The following GPC3 variants were observed in gnomAD, a reference collection of about 807,000 sequenced individuals.
GPC3 encodes glypican-3.
A neutral mutation model predicts 34.4 loss-of-function variants in GPC3; 3 were observed. The observed-to-expected ratio is 0.09, with a 90% CI of 0.04 to 0.23. The LOEUF (loss-of-function observed/expected upper bound fraction) is 0.23, where lower values mean the gene tolerates loss of function less well. Ranked by LOEUF, GPC3 falls within the 10% of genes least tolerant of loss-of-function variation. GPC3 has a pLI of 1.00. For missense variants in GPC3, 351 were observed against 445.6 expected (o/e 0.79, Z 1.91); for synonymous variants, 177 against 174.0 (o/e 1.02, Z -0.13).
At chrX:133,858,362 T>C in intron 2 of GPC3, among the ~76,000 whole-genome samples, 1 of 112,122 alleles carries the variant, frequency 8.9e-6, no homozygotes, top group East Asian at 2.8e-4. Flanking sequence ...TCAAAGGTAC[T>C]TTCTGTGGCT....
rs1338818535 is a variant in GPC3, at chrX:133,783,639, CAGG to C, written c.338-29466_338-29464del. Among the ~76,000 whole-genome samples, 12 of 112,077 alleles carry C rather than the reference CAGG, an allele frequency of 1.1e-4. No homozygotes were observed. In the Admixed American group the frequency reaches 1.1e-3, roughly 11 times the overall value. On this transcript the variant is annotated intron_variant, in intron 2 of 7. Transcript: ENST00000370818. ...GGGACAAATGTCTGAAGAGGGCTTC[CAGG>C]AGGAGGTGCTGACCAGTGGGACTTC...
chrX:133,891,998 T>C (rs1189778412), intron 2 of GPC3, among the ~76,000 whole-genome samples: 2 of 110,354 alleles, frequency 1.8e-5, no homozygotes, highest in Non-Finnish European at 3.8e-5. Flanking sequence ...CCTCACCAGG[T>C]TGTTATGAGA....
intron 7 of GPC3, among the ~76,000 whole-genome samples, chrX:133,583,538 T>C (rs2069754182): frequency 9.0e-6 from 1 of 110,993 alleles, no homozygotes; most frequent in Admixed American, 9.6e-5. Context: ...CTAATTTTTG[T>C]ATTTTTAGTA....
intron 7 of GPC3, among the ~76,000 whole-genome samples, chrX:133,575,515 C>A (rs781263686): frequency 1.8e-5 from 2 of 111,649 alleles, no homozygotes; most frequent in Admixed American, 9.6e-5. Flanking sequence ...TAGGGATGAG[C>A]GGAAGGGATA....
intron 3 of GPC3, among the ~76,000 whole-genome samples, chrX:133,739,771 T>C (rs939741859): frequency 9.0e-6 from 1 of 110,805 alleles, no homozygotes; most frequent in Non-Finnish European, 1.9e-5. Context: ...ACTTATGGCA[T>C]GGGGCAAGGG....
chrX:133,572,022 G>A (rs189742432), intron 7 of GPC3, among the ~76,000 whole-genome samples: 4 of 111,360 alleles, frequency 3.6e-5, no homozygotes, highest in South Asian at 3.8e-4. Flanking sequence ...AAAATTAACC[G>A]GTTTATAGCA....
chrX:133,820,013 C>G (rs1180556762), intron 2 of GPC3, among the ~76,000 whole-genome samples: 1 of 111,680 alleles, frequency 9.0e-6, no homozygotes, highest in East Asian at 2.8e-4. Context: ...ATTGTCTCTC[C>G]GGTCACTAAG....
chrX:133,931,008 C>G (rs1471047140), intron 2 of GPC3, among the ~76,000 whole-genome samples: 1 of 111,685 alleles, frequency 9.0e-6, no homozygotes, highest in Non-Finnish European at 1.9e-5. Flanking sequence ...CTTGAGGCAA[C>G]AGATAGTATC....
intron 2 of GPC3, among the ~76,000 whole-genome samples, chrX:133,756,281 C>T (rs746062871): frequency 2.5e-4 from 28 of 112,444 alleles, no homozygotes; most frequent in Non-Finnish European, 4.5e-4. Context: ...CTTCGACCTA[C>T]AGCCAATACA....
chrX:133,853,910 C>T (rs1241406844), intron 2 of GPC3, among the ~76,000 whole-genome samples: 1 of 112,056 alleles, frequency 8.9e-6, no homozygotes, highest in African/African-American at 3.2e-5. Flanking sequence ...ATAGAAGCTA[C>T]ATAACCTTAG....
intron 2 of GPC3, among the ~76,000 whole-genome samples, chrX:133,779,252 T>C (rs2072020328): frequency 8.9e-6 from 1 of 112,870 alleles, no homozygotes; most frequent in South Asian, 3.7e-4. Context: ...AATCCAATCA[T>C]TTGCATCACT....
At chrX:133,699,868 G>C in intron 4 of GPC3, 27 bp downstream of exon 4, 1 of 1,174,241 alleles carries the variant, frequency 8.5e-7, no homozygotes, top group Non-Finnish European at 1.2e-6. Context: ...ATTGTATTGT[G>C]GAATAAAGAA....
chrX:133,767,469 G>A (rs973315962), intron 2 of GPC3, among the ~76,000 whole-genome samples: 3 of 112,024 alleles, frequency 2.7e-5, no homozygotes, highest in Admixed American at 9.5e-5. Context: ...TAATTGGAAA[G>A]CTAGCCTTTG....
chrX:133,555,743 G>T (rs373108419), intron 7 of GPC3, among the ~76,000 whole-genome samples: 1 of 109,422 alleles, frequency 9.1e-6, no homozygotes, highest in East Asian at 2.9e-4. Context: ...CAGGAGAATC[G>T]CTTGAACCTG....
chrX:133,606,578 T>C (rs1267945953), intron 6 of GPC3, among the ~76,000 whole-genome samples: 1 of 111,322 alleles, frequency 9.0e-6, no homozygotes, highest in Non-Finnish European at 1.9e-5. Flanking sequence ...CATGCCACCA[T>C]GCCTGAATAC....
chrX:133,842,961 A>C (rs2075832123), intron 2 of GPC3, among the ~76,000 whole-genome samples: 2 of 111,415 alleles, frequency 1.8e-5, no homozygotes, highest in Non-Finnish European at 1.9e-5. Context: ...TGTAGCTTCC[A>C]TCTTGGTCTC....
chrX:133,819,874 G>A (rs1008952825), intron 2 of GPC3, among the ~76,000 whole-genome samples: 1 of 111,844 alleles, frequency 8.9e-6, no homozygotes, highest in Non-Finnish European at 1.9e-5. Context: ...ACTTGCTCAA[G>A]GTTATACATG....
Position 133,827,749 on chromosome X carries a change from C to T in GPC3, c.338-73573G>A, listed in dbSNP as rs751624400. The stretch of plus-strand genomic sequence containing the variant: ...AGTGAGCCGAGATCACGCCACTGCA[C>T]TCCAGCCTAGGCAACAGAGTGAGAC... On this transcript the variant is annotated intron_variant, in intron 2 of 7. Coordinates refer to ENST00000370818, the MANE Select transcript of GPC3 (RefSeq NM_004484.4). 2.7e-5 allele frequency among the ~76,000 whole-genome samples: 3 copies of T among 109,342 alleles called. No homozygotes were observed. The East Asian group carries it at 8.6e-4, about 31-fold the overall frequency. The allele number at this position is 109,342 out of a possible 115,157, so 95.0% of individuals were successfully genotyped here. A position where few individuals can be genotyped will look rare whatever the true frequency, so the allele number is the denominator to read the frequency against.
chrX:133,836,804 A>T (rs1385459571), intron 2 of GPC3, among the ~76,000 whole-genome samples: 1 of 111,593 alleles, frequency 9.0e-6, no homozygotes, highest in Non-Finnish European at 1.9e-5. Context: ...TTGTCCTGTC[A>T]GCAGCAACTC....
Sources: gnomAD v4.1 joint callset for allele counts (sites outside exome capture counted in the v4.1 genomes callset) on GRCh38, gnomAD v4.1.1 for gene constraint, MANE v1.5 for transcripts, NCBI Gene and HGNC (gene_info 2026-07-23, HGNC 2026-07-21) for gene names.